Variants in CFAP210 observed in about 807,000 individuals in gnomAD.
CFAP210 encodes the protein cilia and flagella associated protein 210, also known as cilia- and flagella- associated protein 210.
chr2:169,681,202 G>C, the CFAP210 span: 12 of 1,613,378 alleles, frequency 7.4e-6, no homozygotes, highest in Non-Finnish European at 1.0e-5. Flanking sequence ...GAGGCAGATA[G>C]AGAACTTGAT....
the CFAP210 span, chr2:169,675,060 A>T: frequency 2.1e-6 from 3 of 1,441,052 alleles, no homozygotes; most frequent in South Asian, 4.8e-5. Flanking sequence ...GACAAACACA[A>T]TTTTTTGTTT....
At chr2:169,677,186 G>A in the CFAP210 span, among the ~76,000 whole-genome samples, 1 of 152,146 alleles carries the variant, frequency 6.6e-6, no homozygotes, top group Admixed American at 6.6e-5. Context: ...TCACAGTTTC[G>A]AGTACTCTGG....
At chr2:169,686,978 G>A in the CFAP210 span, among the ~76,000 whole-genome samples, 1 of 152,164 alleles carries the variant, frequency 6.6e-6, no homozygotes, top group African/African-American at 2.4e-5. Flanking sequence ...CATGGTGAGA[G>A]GCAAAAGGCA....
At chr2:169,671,643 T>A in the CFAP210 span, among the ~76,000 whole-genome samples, 1 of 151,496 alleles carries the variant, frequency 6.6e-6, no homozygotes, top group Non-Finnish European at 1.5e-5. Context: ...TAATTTTGTA[T>A]TTTTTTAGTA....
chr2:169,646,860 A>G, the CFAP210 span, among the ~76,000 whole-genome samples: 28 of 152,252 alleles, frequency 1.8e-4, no homozygotes, highest in African/African-American at 6.0e-4. Context: ...CTGGTTGGCA[A>G]CTTCTCATTT....
chr2:169,689,449 A>G, the CFAP210 span, among the ~76,000 whole-genome samples: 1 of 152,222 alleles, frequency 6.6e-6, no homozygotes, highest in East Asian at 1.9e-4. Context: ...GTACAGAAAT[A>G]CCATTTTGTA....
At chr2:169,660,606 T>TATATA in the CFAP210 span, among the ~76,000 whole-genome samples, 6 of 55,494 alleles carry the variant, frequency 1.1e-4, no homozygotes, top group African/African-American at 3.5e-4. Context: ...ATATATATAT[T>TATATA]TTTTTTTTTT....
chr2:169,667,137 T>C, the CFAP210 span, among the ~76,000 whole-genome samples: 1 of 116,260 alleles, frequency 8.6e-6, no homozygotes, highest in Non-Finnish European at 1.9e-5. Context: ...CAAATTTTCT[T>C]TTTTCTTTTT....
the CFAP210 span, chr2:169,650,322 T>G: frequency 6.4e-7 from 1 of 1,551,106 alleles, no homozygotes. Context: ...ATAATTGAAT[T>G]GTTTACCACA....
the CFAP210 span, among the ~76,000 whole-genome samples, chr2:169,656,964 C>CA: frequency 0.57 from 23,190 of 40,524 alleles, 7,352 homozygotes; most frequent in Admixed American, 0.66. Context: ...GACTCCATCT[C>CA]AAAAAAAAAA....
the CFAP210 span, among the ~76,000 whole-genome samples, chr2:169,677,673 C>T: frequency 6.6e-6 from 1 of 152,148 alleles, no homozygotes; most frequent in Non-Finnish European, 1.5e-5. Context: ...AGAATATCTA[C>T]CTTCACTACA....
At chr2:169,647,606 A>T in the CFAP210 span, among the ~76,000 whole-genome samples, 1 of 152,192 alleles carries the variant, frequency 6.6e-6, no homozygotes, top group African/African-American at 2.4e-5. Flanking sequence ...GTATTTGATC[A>T]AGAAAACTTC....
the CFAP210 span, among the ~76,000 whole-genome samples, chr2:169,691,515 C>T: frequency 1.7e-4 from 26 of 152,018 alleles, no homozygotes; most frequent in Non-Finnish European, 3.4e-4. Context: ...TGTAGACATC[C>T]TCCCCGCCAC....
At chr2:169,648,113 G>T in the CFAP210 span, 1 of 165,676 alleles carries the variant, frequency 6.0e-6, no homozygotes, top group Non-Finnish European at 1.2e-5. Flanking sequence ...CCGAGAGTGG[G>T]TATCATGCCA....
At chr2:169,682,485 T>TACACACACAC in the CFAP210 span, among the ~76,000 whole-genome samples, 1 of 150,870 alleles carries the variant, frequency 6.6e-6, no homozygotes. Context: ...CCATTTTCTA[T>TACACACACAC]ACACACACAC....
the CFAP210 span, among the ~76,000 whole-genome samples, chr2:169,671,146 C>G: frequency 6.6e-6 from 1 of 152,204 alleles, no homozygotes; most frequent in South Asian, 2.1e-4. Flanking sequence ...GCCTATCTCT[C>G]CAACCTTATC....
At chr2:169,680,695 A>G in the CFAP210 span, among the ~76,000 whole-genome samples, 2 of 152,336 alleles carry the variant, frequency 1.3e-5, no homozygotes, top group South Asian at 4.1e-4. Flanking sequence ...AGGATCCAGA[A>G]GAGGAGCAGG....
At chr2:169,655,086 T>A in the CFAP210 span, among the ~76,000 whole-genome samples, 1 of 152,314 alleles carries the variant, frequency 6.6e-6, no homozygotes, top group East Asian at 1.9e-4. Context: ...TCAGCCTGAG[T>A]TAGCCATCAT....
chr2:169,661,319 T>C, the CFAP210 span: 2 of 481,782 alleles, frequency 4.2e-6, no homozygotes, highest in Non-Finnish European at 8.1e-6. Context: ...TAATTAATTA[T>C]AAATTTCCTT....
Sources: gnomAD v4.1 joint callset for allele counts (sites outside exome capture counted in the v4.1 genomes callset) on GRCh38, gnomAD v4.1.1 for gene constraint, MANE v1.5 for transcripts, NCBI Gene and HGNC (gene_info 2026-07-23, HGNC 2026-07-21) for gene names.